Variants in KIAA1217 observed in about 807,000 individuals in gnomAD.
The protein encoded by KIAA1217 is KIAA1217, also known as sickle tail protein homolog.
A neutral mutation model predicts 163.9 loss-of-function variants in KIAA1217; 88 were observed. The observed-to-expected ratio is 0.54, with a 90% CI of 0.45 to 0.64. The LOEUF (loss-of-function observed/expected upper bound fraction) is 0.64, where lower values mean the gene tolerates loss of function less well. Ranked by LOEUF, KIAA1217 falls within the 30% of genes least tolerant of loss-of-function variation. KIAA1217 has a pLI of 0.00. For missense variants in KIAA1217, 2,372 were observed against 2,475.0 expected (o/e 0.96, Z 0.88); for synonymous variants, 903 against 923.1 (o/e 0.98, Z 0.39).
chr10:23,730,077 A>G (rs1202418196), intron 1 of KIAA1217, among the ~76,000 whole-genome samples: 15 of 151,894 alleles, frequency 9.9e-5, no homozygotes, highest in Admixed American at 9.8e-4. Flanking sequence ...AACTTTTTGT[A>G]TTTTTAGTAG....
At chr10:24,353,704 A>G (rs530878498) in intron 2 of KIAA1217, among the ~76,000 whole-genome samples, 1 of 152,180 alleles carries the variant, frequency 6.6e-6, no homozygotes, top group Non-Finnish European at 1.5e-5. Flanking sequence ...GATGTTTTCA[A>G]CTTTTTGCTC....
chr10:24,456,563 A>G (rs2061808935), intron 5 of KIAA1217, among the ~76,000 whole-genome samples: 1 of 152,152 alleles, frequency 6.6e-6, no homozygotes, highest in Non-Finnish European at 1.5e-5. Context: ...AGTCACAGTT[A>G]TGAGACCACA....
At chr10:24,404,814 C>A (rs1317088231) in intron 3 of KIAA1217, among the ~76,000 whole-genome samples, 3 of 152,016 alleles carry the variant, frequency 2.0e-5, no homozygotes, top group East Asian at 3.9e-4. Flanking sequence ...CAACAAGGGA[C>A]AAACTGTCGA....
At chr10:24,385,341 T>C (rs1400237027) in intron 3 of KIAA1217, among the ~76,000 whole-genome samples, 1 of 152,170 alleles carries the variant, frequency 6.6e-6, no homozygotes, top group Non-Finnish European at 1.5e-5. Flanking sequence ...ATTTCGCAAA[T>C]GGTGTTAAAA....
At chr10:24,464,457 A>G (rs2062740203) in intron 5 of KIAA1217, among the ~76,000 whole-genome samples, 1 of 152,106 alleles carries the variant, frequency 6.6e-6, no homozygotes, top group African/African-American at 2.4e-5. Flanking sequence ...CTCTAGCGTA[A>G]TGGACATGGT....
intron 2 of KIAA1217, among the ~76,000 whole-genome samples, chr10:24,167,966 T>G (rs1205012627): frequency 6.6e-6 from 1 of 152,128 alleles, no homozygotes; most frequent in African/African-American, 2.4e-5. Context: ...ACGTTGCCCA[T>G]CCATGAGAGC....
At chr10:24,325,648 G>A (rs910613952) in intron 2 of KIAA1217, among the ~76,000 whole-genome samples, 34 of 152,130 alleles carry the variant, frequency 2.2e-4, no homozygotes, top group African/African-American at 8.0e-4. Flanking sequence ...TATAATAACC[G>A]ATTTGTCTGG....
At position 24,412,645 on chromosome 10, in the gene KIAA1217, G is replaced by T. The variant is rs576160141; in HGVS notation, c.554-20350G>T. Reference sequence around the variant, plus strand: ...AAGCTTCCTTATGACCTCACTGGCTGGTCCTCCTGGGTCTCCTTTGTTGGT... The same window carrying T: ...AAGCTTCCTTATGACCTCACTGGCTTGTCCTCCTGGGTCTCCTTTGTTGGT... On this transcript the variant is annotated intron_variant, in intron 3 of 20. Transcript: ENST00000376454. Among the ~76,000 whole-genome samples, 7 of 152,252 alleles carry T rather than the reference G, an allele frequency of 4.6e-5. No individual in the cohort carries two copies. In the East Asian group the frequency reaches 1.4e-3, roughly 29 times the overall value.
chr10:23,900,298 A>G (rs370712038), intron 1 of KIAA1217, among the ~76,000 whole-genome samples: 3 of 151,794 alleles, frequency 2.0e-5, no homozygotes, highest in Non-Finnish European at 4.4e-5. Context: ...GAGCCACCAC[A>G]CCCAGCCCCT....
intron 2 of KIAA1217, among the ~76,000 whole-genome samples, chr10:24,370,137 C>T (rs532441824): frequency 8.6e-5 from 13 of 151,958 alleles, no homozygotes; most frequent in East Asian, 5.9e-4. Flanking sequence ...TGATGGCGGG[C>T]GCCTGTAGTC....
At chr10:24,195,404 T>C (rs1447212693) in intron 2 of KIAA1217, among the ~76,000 whole-genome samples, 2 of 152,206 alleles carry the variant, frequency 1.3e-5, no homozygotes, top group African/African-American at 4.8e-5. Flanking sequence ...ATGATGGCTC[T>C]GACTCTGCAG....
chr10:23,822,707 CA>C (rs1280675499), intron 1 of KIAA1217, among the ~76,000 whole-genome samples: 2 of 152,094 alleles, frequency 1.3e-5, no homozygotes, highest in Non-Finnish European at 2.9e-5. Flanking sequence ...CTTAAAGAAA[CA>C]AAATGCTTTG....
intron 1 of KIAA1217, among the ~76,000 whole-genome samples, chr10:23,797,200 G>A (rs960158978): frequency 3.3e-5 from 5 of 152,088 alleles, no homozygotes; most frequent in African/African-American, 1.2e-4. Flanking sequence ...CACCTTTCCT[G>A]ATGAAGGGTC....
intron 2 of KIAA1217, among the ~76,000 whole-genome samples, chr10:24,292,122 G>A (rs2079141966): frequency 6.6e-6 from 1 of 152,176 alleles, no homozygotes; most frequent in African/African-American, 2.4e-5. Flanking sequence ...AATTAAAGGA[G>A]ATATGATTGA....
intron 1 of KIAA1217, among the ~76,000 whole-genome samples, chr10:23,820,717 G>A (rs909089614): frequency 6.6e-6 from 1 of 152,144 alleles, no homozygotes; most frequent in South Asian, 2.1e-4. Context: ...TAAAGAGAGT[G>A]GGATCTCAGA....
intron 5 of KIAA1217, among the ~76,000 whole-genome samples, chr10:24,453,569 T>A (rs951461982): frequency 6.6e-6 from 1 of 152,238 alleles, no homozygotes; most frequent in African/African-American, 2.4e-5. Context: ...AGAGCAATAT[T>A]GGCTCAGCAA....
upstream of KIAA1217, among the ~76,000 whole-genome samples, chr10:24,207,280 T>TCACACACACA (rs1218257115): frequency 5.1e-4 from 50 of 98,890 alleles, no homozygotes; most frequent in African/African-American, 3.6e-3. Context: ...TCTCTCTCTC[T>TCACACACACA]CTCACACACA....
intron 1 of KIAA1217, among the ~76,000 whole-genome samples, chr10:23,980,953 T>C (rs1321395104): frequency 1.3e-5 from 2 of 152,236 alleles, no homozygotes; most frequent in African/African-American, 4.8e-5. Context: ...CTCTGAAATC[T>C]ATGGAGTTCA....
intron 1 of KIAA1217, among the ~76,000 whole-genome samples, chr10:23,915,889 A>G: frequency 6.6e-6 from 1 of 152,170 alleles, no homozygotes; most frequent in Non-Finnish European, 1.5e-5. Flanking sequence ...AGAAGGTCCT[A>G]TCATTGGTTA....
Sources: allele counts gnomAD v4.1 joint callset (sites outside exome capture counted in the v4.1 genomes callset), GRCh38; gene constraint gnomAD v4.1.1; transcripts MANE v1.5; gene names NCBI Gene and HGNC (gene_info 2026-07-23, HGNC 2026-07-21).